Variants in NMNAT1 observed in about 807,000 individuals in gnomAD.
The protein encoded by NMNAT1 is nicotinamide nucleotide adenylyltransferase 1, also known as nicotinamide/nicotinic acid mononucleotide adenylyltransferase 1.
NMNAT1 carries 11 observed loss-of-function variants against 16.7 expected under a neutral mutation model. That is an observed-to-expected ratio of 0.66 (90% CI 0.41 to 1.09). The LOEUF (loss-of-function observed/expected upper bound fraction) is 1.09, where lower values mean the gene tolerates loss of function less well. Ranked by LOEUF, NMNAT1 falls within the 50% of genes least tolerant of loss-of-function variation. The probability of loss-of-function intolerance (pLI) is 0.00; values close to 1 mark genes in which losing one functional copy is unlikely to be tolerated. For missense variants in NMNAT1, 280 were observed against 332.3 expected (o/e 0.84, Z 1.22); for synonymous variants, 110 against 119.8 (o/e 0.92, Z 0.53).
intron 1 of NMNAT1, among the ~76,000 whole-genome samples, chr1:9,965,785 G>A (rs771399380): frequency 2.6e-5 from 4 of 151,878 alleles, no homozygotes; most frequent in Non-Finnish European, 5.9e-5. Context: ...CCAGGAATCT[G>A]AGACCCACCT....
intron 1 of NMNAT1, chr1:9,950,632 C>T (rs1256852570): frequency 1.3e-5 from 2 of 152,278 alleles, no homozygotes; most frequent in Non-Finnish European, 2.9e-5. Context: ...AGATCAGCCC[C>T]AGGCCTGACA....
intron 3 of NMNAT1, among the ~76,000 whole-genome samples, chr1:9,976,307 A>T (rs1030663888): frequency 6.0e-5 from 9 of 149,684 alleles, no homozygotes; most frequent in African/African-American, 2.2e-4. Context: ...AAAAAAAAAG[A>T]TGTTTGCTTG....
intron 1 of NMNAT1, chr1:9,951,093 A>C (rs1051014084): frequency 6.6e-6 from 1 of 151,904 alleles, no homozygotes; most frequent in African/African-American, 2.4e-5. Context: ...TGTTTCAAAA[A>C]AAAAAAAAAA....
chr1:9,964,209 G>T (rs1641490917), intron 1 of NMNAT1, among the ~76,000 whole-genome samples: 1 of 151,490 alleles, frequency 6.6e-6, no homozygotes, highest in South Asian at 2.1e-4. Context: ...TTTTTATAAA[G>T]CCAGGTGTGG....
chr1:9,972,508 A>AAC (rs386366212), intron 2 of NMNAT1: 1 of 192,880 alleles, frequency 5.2e-6, no homozygotes, highest in Non-Finnish European at 1.1e-5. Context: ...AAAAAAAAAA[A>AAC]ATACTAGAGA....
chr1:9,945,512 C>T (rs952468766), intron 1 of NMNAT1, among the ~76,000 whole-genome samples: 1 of 151,878 alleles, frequency 6.6e-6, no homozygotes, highest in Non-Finnish European at 1.5e-5. Flanking sequence ...CAGCCTGGCC[C>T]CTATGGTGAA....
At chr1:9,989,526 G>A (rs1264169392), downstream of NMNAT1, among the ~76,000 whole-genome samples, 11 of 151,970 alleles carry the variant, frequency 7.2e-5, no homozygotes, top group South Asian at 4.1e-4. Context: ...ACGGTTGGAC[G>A]GCAGAAATAA....
chr1:9,966,675 A>G (rs1641551524), intron 1 of NMNAT1, among the ~76,000 whole-genome samples: 1 of 152,174 alleles, frequency 6.6e-6, no homozygotes, highest in South Asian at 2.1e-4. Flanking sequence ...TTACAATAGC[A>G]AAGTTATTTT....
At chr1:9,957,828 C>G (rs543349593) in intron 1 of NMNAT1, among the ~76,000 whole-genome samples, 1 of 152,246 alleles carries the variant, frequency 6.6e-6, no homozygotes, top group African/African-American at 2.4e-5. Flanking sequence ...TATTAACAGA[C>G]TGTTTCCGCT....
At chr1:9,992,334 C>T in the NMNAT1 span, among the ~76,000 whole-genome samples, 9 of 151,924 alleles carry the variant, frequency 5.9e-5, no homozygotes, top group African/African-American at 9.7e-5. Context: ...CCTCCCTCCT[C>T]GGCCCCAAAA....
chr1:9,987,897 T>C (rs867391346), downstream of NMNAT1, among the ~76,000 whole-genome samples: 1 of 152,186 alleles, frequency 6.6e-6, no homozygotes, highest in Admixed American at 6.6e-5. Flanking sequence ...AGCCACACTT[T>C]TGTTGAGACA....
Position 9,982,545 on chromosome 1 carries a change from A to G in NMNAT1, c.684A>G (p.Arg228=). 6.2e-7 allele frequency: 1 copy of G among 1,614,164 alleles called. No individual in the cohort carries two copies. Among genetic ancestry groups the G allele is most frequent in the Non-Finnish European group, 8.5e-7 (1 of 1,180,048 alleles). Residue 228 remains arginine, a synonymous_variant, in exon 5 of 5, where the codon AGA becomes AGG. Coordinates refer to ENST00000377205, the MANE Select transcript of NMNAT1 (RefSeq NM_022787.4). ...ACATCTCATCCACAAAAATCCGGAGAGCCCTCAGAAGGGGCCAGAGCATTC... is the reference window on the plus strand; with the variant it reads ...ACATCTCATCCACAAAAATCCGGAGGGCCCTCAGAAGGGGCCAGAGCATTC... ...ANDISSTKIR[R]ALRRGQSIRY...
At chr1:9,979,526 C>T (rs531162593) in intron 3 of NMNAT1, among the ~76,000 whole-genome samples, 7 of 152,134 alleles carry the variant, frequency 4.6e-5, no homozygotes, top group East Asian at 3.9e-4. Flanking sequence ...TGAGGCTGGG[C>T]GCAGTGGCTC....
At chr1:9,970,071 C>T (rs757404413) in intron 1 of NMNAT1, among the ~76,000 whole-genome samples, 8 of 152,126 alleles carry the variant, frequency 5.3e-5, no homozygotes, top group Non-Finnish European at 8.8e-5. Context: ...GAAGTAATGC[C>T]TTTGAAGTTG....
At position 9,954,158 on chromosome 1, in the gene NMNAT1, A is replaced by C. The variant is rs1467754663; in HGVS notation, c.-57+10643A>C. The stretch of plus-strand genomic sequence containing the variant: ...AAGGAAAATATAATTAAGATAGATT[A>C]GCTAAAATATTTCTTAAACTTCTCC... On this transcript the variant is annotated intron_variant, in intron 1 of 4. Transcript: ENST00000377205. Among the ~76,000 whole-genome samples, 5 of 152,226 alleles carry C rather than the reference A, an allele frequency of 3.3e-5. No individual in the cohort carries two copies. In the East Asian group the frequency reaches 9.7e-4, roughly 29 times the overall value.
rs1454867402 is a variant in NMNAT1 at position 9,985,416 on chromosome 1, T to C, written c.*2715T>C. The C allele has an allele frequency of 1.3e-5, 2 of 152,178 alleles. No homozygotes were observed. The highest frequency in any genetic ancestry group is 2.9e-5 in the Non-Finnish European group (2 of 68,038). The allele number at this position is 152,178 out of a possible 1,614,324, so 9.4% of individuals were successfully genotyped here. A position where few individuals can be genotyped will look rare whatever the true frequency, so the allele number is the denominator to read the frequency against. On this transcript the variant is annotated 3_prime_UTR_variant, in exon 5 of 5. Coordinates refer to ENST00000377205, the MANE Select transcript of NMNAT1 (RefSeq NM_022787.4). ...CCTAATCTCTCTTTCTGTAAAATAT[T>C]ACTTTTCAAAGAATGAAGTTGTAGC...
chr1:9,967,099 C>T (rs1641562495), intron 1 of NMNAT1, among the ~76,000 whole-genome samples: 1 of 151,976 alleles, frequency 6.6e-6, no homozygotes, highest in African/African-American at 2.4e-5. Context: ...TGGCAGGCAT[C>T]TATAATCCCA....
chr1:9,975,122 G>A (rs898384471), intron 2 of NMNAT1, among the ~76,000 whole-genome samples: 3 of 152,238 alleles, frequency 2.0e-5, no homozygotes, highest in East Asian at 3.9e-4. Context: ...AGAACTGTAC[G>A]CTTGGGTATA....
At position 9,972,126 on chromosome 1, in the gene NMNAT1, A is replaced by G. The variant is rs748902766; in HGVS notation, c.53A>G (p.Asn18Ser). 56 of 1,613,190 alleles carry G rather than the reference A, an allele frequency of 3.5e-5. No individual in the cohort carries two copies. Among genetic ancestry groups the G allele is most frequent in the Non-Finnish European group, 4.3e-5 (51 of 1,179,338 alleles). The change falls in exon 2 of 5, where the codon AAT becomes AGT. Residue 18 changes from asparagine (N) to serine (S), a missense_variant. By Grantham distance (46) the Asn-to-Ser change is conservative (BLOSUM62 1). Coordinates refer to ENST00000377205, the MANE Select transcript of NMNAT1 (RefSeq NM_022787.4). The stretch of plus-strand genomic sequence containing the variant: ...GTTCTCCTTGCTTGTGGTTCATTCA[A>G]TCCCATCACCAACATGCACCTCAGG... ...EVVLLACGSF[N>S]PITNMHLRLF...
Sources: gnomAD v4.1 joint callset for allele counts (sites outside exome capture counted in the v4.1 genomes callset) on GRCh38, gnomAD v4.1.1 for gene constraint, MANE v1.5 for transcripts, NCBI Gene and HGNC (gene_info 2026-07-23, HGNC 2026-07-21) for gene names.